The following PRR5L variants were observed in gnomAD, a reference collection of about 807,000 sequenced individuals.
The protein encoded by PRR5L is proline rich 5 like, also known as proline-rich protein 5-like.
PRR5L carries 21 observed loss-of-function variants against 36.4 expected under a neutral mutation model. That is an observed-to-expected ratio of 0.58 (90% CI 0.41 to 0.83). The LOEUF is 0.83. Ranked by LOEUF, PRR5L falls within the 40% of genes least tolerant of loss-of-function variation. The pLI is 0.00. For synonymous variants in PRR5L, 188 were observed against 197.0 expected (o/e 0.95, Z 0.38); for missense variants, 381 against 473.3 (o/e 0.80, Z 1.81).
At chr11:36,380,240 C>T (rs1016322939) in intron 1 of PRR5L, among the ~76,000 whole-genome samples, 1 of 152,140 alleles carries the variant, frequency 6.6e-6, no homozygotes, top group Non-Finnish European at 1.5e-5. Context: ...GAAGGAAAGT[C>T]AGGCGCTGTG....
intron 1 of PRR5L, among the ~76,000 whole-genome samples, chr11:36,313,168 G>T (rs535393632): frequency 6.6e-6 from 1 of 152,304 alleles, no homozygotes; most frequent in African/African-American, 2.4e-5. Flanking sequence ...CCCCCTCACC[G>T]CCACCTTCAG....
At chr11:36,355,173 A>G (rs1027059443) in intron 1 of PRR5L, among the ~76,000 whole-genome samples, 11 of 152,336 alleles carry the variant, frequency 7.2e-5, no homozygotes, top group African/African-American at 2.4e-4. Context: ...GAATTGATCC[A>G]CTTTAAGGAA....
At chr11:36,314,168 C>T (rs767070477) in intron 1 of PRR5L, among the ~76,000 whole-genome samples, 1 of 152,044 alleles carries the variant, frequency 6.6e-6, no homozygotes, top group Admixed American at 6.6e-5. Context: ...TTGTTTAGTA[C>T]CTGGTACTAA....
intron 1 of PRR5L, among the ~76,000 whole-genome samples, chr11:36,296,872 G>A (rs768656699): frequency 9.2e-5 from 14 of 152,098 alleles, no homozygotes; most frequent in African/African-American, 2.9e-4. Flanking sequence ...CCAGGGAGTC[G>A]GGTTCTAGAA....
chr11:36,443,606 T>G (rs1014694749), intron 6 of PRR5L, among the ~76,000 whole-genome samples: 3 of 152,196 alleles, frequency 2.0e-5, no homozygotes, highest in African/African-American at 7.2e-5. Context: ...GAAAAGCACT[T>G]AATTTTGCAT....
chr11:36,299,252 A>G (rs949504131), intron 1 of PRR5L, among the ~76,000 whole-genome samples: 51 of 152,158 alleles, frequency 3.4e-4, no homozygotes, highest in African/African-American at 1.2e-3. Flanking sequence ...TGATCACTCC[A>G]TCTCTCTTGT....
intron 5 of PRR5L, among the ~76,000 whole-genome samples, chr11:36,432,796 G>C (rs1249754512): frequency 6.6e-6 from 1 of 152,032 alleles, no homozygotes; most frequent in African/African-American, 2.4e-5. Flanking sequence ...TAGGTGTCAT[G>C]TCATCATCCT....
At chr11:36,358,494 A>AT (rs1245067933) in intron 1 of PRR5L, among the ~76,000 whole-genome samples, 43 of 152,196 alleles carry the variant, frequency 2.8e-4, no homozygotes, top group Admixed American at 2.6e-3. Context: ...AAGTATGTAC[A>AT]TTTTTTAGGC....
In PRR5L at chr11:36,320,775, A is replaced by G. The variant is rs114455587; in HGVS notation, c.-126+24337A>G. Among the ~76,000 whole-genome samples, 1,101 of 152,330 alleles carry G rather than the reference A, an allele frequency of 7.2e-3. 17 individuals are homozygous for G. The highest frequency in any genetic ancestry group is 0.025 in the African/African-American group (1,050 of 41,580). ...CTTACTGTGCAACATTAAACAAATTATTTAAATTCTTGGAATCTTTGTTTC... is the reference window on the plus strand; with the variant it reads ...CTTACTGTGCAACATTAAACAAATTGTTTAAATTCTTGGAATCTTTGTTTC... On this transcript the variant is annotated intron_variant, in intron 1 of 8. Transcript: ENST00000530639.
Position 36,296,376 on chromosome 11 carries a change from G to A in PRR5L, c.-188G>A, listed in dbSNP as rs1465542995. 6.6e-6 allele frequency: 1 copy of A among 152,158 alleles called. No homozygotes were observed. The highest frequency in any genetic ancestry group is 1.5e-5 in the Non-Finnish European group (1 of 68,074). The allele number at this position is 152,158 out of a possible 1,614,324, so 9.4% of individuals were successfully genotyped here. A position where few individuals can be genotyped will look rare whatever the true frequency, so the allele number is the denominator to read the frequency against. On this transcript the variant is annotated 5_prime_UTR_variant, in exon 1 of 9. Coordinates refer to ENST00000530639, the MANE Select transcript of PRR5L (RefSeq NM_001160167.2). ...CATCCCCTTCTCGGGAGGCTGGAAG[G>A]CCATGGTCATTCACCTCTCCCCAGC... is the stretch of plus-strand genomic sequence containing the variant.
intron 4 of PRR5L, among the ~76,000 whole-genome samples, chr11:36,426,601 C>T (rs1858388122): frequency 6.6e-6 from 1 of 152,198 alleles, no homozygotes; most frequent in Non-Finnish European, 1.5e-5. Flanking sequence ...TCAGACCAAC[C>T]TTGGTGCAAA....
intron 1 of PRR5L, among the ~76,000 whole-genome samples, chr11:36,350,824 A>G (rs1311695693): frequency 6.7e-6 from 1 of 148,810 alleles, no homozygotes; most frequent in Non-Finnish European, 1.5e-5. Context: ...TTCATTTAGA[A>G]TAATGGTCTC....
intron 1 of PRR5L, among the ~76,000 whole-genome samples, chr11:36,359,650 A>G (rs954237979): frequency 6.6e-6 from 1 of 152,220 alleles, no homozygotes; most frequent in Non-Finnish European, 1.5e-5. Flanking sequence ...GATGCCATGA[A>G]GACACTAACA....
intron 1 of PRR5L, among the ~76,000 whole-genome samples, chr11:36,389,450 G>A (rs1051035564): frequency 6.6e-6 from 1 of 152,096 alleles, no homozygotes; most frequent in East Asian, 1.9e-4. Context: ...TCTTAACAAC[G>A]TGCACATAAG....
intron 1 of PRR5L, among the ~76,000 whole-genome samples, chr11:36,303,244 G>A (rs1342852737): frequency 1.3e-5 from 2 of 152,210 alleles, no homozygotes; most frequent in Non-Finnish European, 2.9e-5. Context: ...GTAATAGAAA[G>A]TTATTTTGGA....
At position 36,411,480 on chromosome 11, in the gene PRR5L, C is replaced by T. The variant is rs145540791; in HGVS notation, c.246-7775C>T. 4.8e-3 allele frequency among the ~76,000 whole-genome samples: 726 copies of T among 152,250 alleles called. 5 individuals carry two copies. Among genetic ancestry groups the T allele is most frequent in the African/African-American group, 0.017 (692 of 41,546 alleles). ...TCCCCATTTTTTCCCCCTGTTATGG[C>T]TCCTTTTGGCTTCTGGCTGAACTTC... On this transcript the variant is annotated intron_variant, in intron 3 of 8. Transcript: ENST00000530639.
intron 1 of PRR5L, among the ~76,000 whole-genome samples, chr11:36,395,673 G>A (rs1857644237): frequency 6.6e-6 from 1 of 152,100 alleles, no homozygotes; most frequent in African/African-American, 2.4e-5. Context: ...AGTTTCCAAG[G>A]TAACATTCTA....
At chr11:36,302,505 G>T (rs1348478696) in intron 1 of PRR5L, among the ~76,000 whole-genome samples, 3 of 152,040 alleles carry the variant, frequency 2.0e-5, no homozygotes, top group Non-Finnish European at 4.4e-5. Context: ...TGCTGGCTCA[G>T]CTGGGTGCGG....
At chr11:36,296,616 C>CAGTTAG (rs1469056450) in intron 1 of PRR5L, among the ~76,000 whole-genome samples, 178 bp downstream of exon 1, 3 of 152,198 alleles carry the variant, frequency 2.0e-5, no homozygotes, top group African/African-American at 7.2e-5. Flanking sequence ...AGCAGCCTCC[C>CAGTTAG]AGTTAGAAAA....
Sources: gnomAD v4.1 joint callset for allele counts (sites outside exome capture counted in the v4.1 genomes callset) on GRCh38, gnomAD v4.1.1 for gene constraint, MANE v1.5 for transcripts, NCBI Gene and HGNC (gene_info 2026-07-23, HGNC 2026-07-21) for gene names.